KLF8: variants seen among roughly 807,000 people sequenced by gnomAD.
KLF8 encodes KLF transcription factor 8.
A neutral mutation model predicts 18.2 loss-of-function variants in KLF8; 10 were observed. The ratio of observed to expected loss-of-function variants is 0.55; its 90% CI spans 0.34 to 0.93. The LOEUF is 0.93. Ranked by LOEUF, KLF8 falls within the 40% of genes least tolerant of loss-of-function variation. KLF8 has a pLI of 0.02. For synonymous variants in KLF8, 109 were observed against 97.3 expected (o/e 1.12, Z -0.71); for missense variants, 264 against 277.9 (o/e 0.95, Z 0.36).
chrX:56,290,953 G>C lies in KLF8; in HGVS notation c.*6459G>C, dbSNP rs888268925. On this transcript the variant is annotated 3_prime_UTR_variant, in exon 6 of 6. Coordinates refer to ENST00000468660, the MANE Select transcript of KLF8 (RefSeq NM_007250.5). The stretch of plus-strand genomic sequence containing the variant: ...TCCTTTCCTAGAGTCGCTACAAGTA[G>C]CTGTGTTGGACATTACTTTATAACT... Among the ~76,000 whole-genome samples, 1 of 111,131 alleles carries C rather than the reference G, an allele frequency of 9.0e-6. No individual in the cohort carries two copies. The highest frequency in any genetic ancestry group is 1.9e-5 in the Non-Finnish European group (1 of 52,993).
At chrX:55,941,477 A>G in the KLF8 span, among the ~76,000 whole-genome samples, 1 of 112,049 alleles carries the variant, frequency 8.9e-6, no homozygotes, top group Non-Finnish European at 1.9e-5. Flanking sequence ...CTTCATGTCT[A>G]AAACACCAAA....
chrX:56,146,118 T>A, the KLF8 span, among the ~76,000 whole-genome samples: 1 of 111,418 alleles, frequency 9.0e-6, no homozygotes, highest in Non-Finnish European at 1.9e-5. Flanking sequence ...TTGGTGGGAG[T>A]GTAAATTAGC....
At chrX:56,114,215 C>A in the KLF8 span, among the ~76,000 whole-genome samples, 10 of 112,051 alleles carry the variant, frequency 8.9e-5, no homozygotes, top group Admixed American at 9.4e-4. Flanking sequence ...CCTTGGCACC[C>A]ACAGGGGATA....
At chrX:56,167,675 C>T in the KLF8 span, among the ~76,000 whole-genome samples, 6 of 111,776 alleles carry the variant, frequency 5.4e-5, no homozygotes, top group Middle Eastern at 9.2e-3. Flanking sequence ...TAGTTGATGA[C>T]AATGATTGAG....
chrX:56,145,597 C>T, the KLF8 span, among the ~76,000 whole-genome samples: 1 of 112,160 alleles, frequency 8.9e-6, no homozygotes, highest in African/African-American at 3.2e-5. Flanking sequence ...GTGATATATC[C>T]AAACAATGGA....
At chrX:56,098,614 C>T in the KLF8 span, among the ~76,000 whole-genome samples, 1 of 111,321 alleles carries the variant, frequency 9.0e-6, no homozygotes, top group Admixed American at 9.6e-5. Context: ...ATATGAAAAG[C>T]TTCCAGGTAA....
the KLF8 span, among the ~76,000 whole-genome samples, chrX:56,174,980 T>C: frequency 8.9e-6 from 1 of 112,034 alleles, no homozygotes; most frequent in Non-Finnish European, 1.9e-5. Flanking sequence ...ATTTGGTTCT[T>C]CTCTCTTTTC....
At chrX:56,097,537 C>G in the KLF8 span, among the ~76,000 whole-genome samples, 1 of 106,246 alleles carries the variant, frequency 9.4e-6, no homozygotes, top group Non-Finnish European at 1.9e-5. Flanking sequence ...TATTATTATA[C>G]TTTAAGTTTT....
At chrX:56,012,102 A>G in the KLF8 span, among the ~76,000 whole-genome samples, 3 of 112,232 alleles carry the variant, frequency 2.7e-5, no homozygotes, top group East Asian at 8.4e-4. Flanking sequence ...AACTCATTTA[A>G]TGAGGCCAGC....
chrX:56,181,050 T>A, the KLF8 span, among the ~76,000 whole-genome samples: 2 of 111,477 alleles, frequency 1.8e-5, no homozygotes, highest in East Asian at 5.6e-4. Context: ...CTGTCTAATA[T>A]TGACAGTGGG....
At chrX:56,148,125 T>C in the KLF8 span, among the ~76,000 whole-genome samples, 1 of 112,406 alleles carries the variant, frequency 8.9e-6, no homozygotes, top group Admixed American at 9.4e-5. Flanking sequence ...CTACATGCTG[T>C]GCACACCTCA....
the KLF8 span, among the ~76,000 whole-genome samples, chrX:56,018,038 A>G: frequency 8.9e-6 from 1 of 111,911 alleles, no homozygotes; most frequent in Non-Finnish European, 1.9e-5. Context: ...TTGTGTTGAG[A>G]GCATTCCAGA....
At chrX:55,943,213 G>A in the KLF8 span, among the ~76,000 whole-genome samples, 1 of 111,084 alleles carries the variant, frequency 9.0e-6, no homozygotes, top group Non-Finnish European at 1.9e-5. Flanking sequence ...TAACAGTTTA[G>A]TGCTGGTCAT....
At chrX:55,971,596 A>G in the KLF8 span, among the ~76,000 whole-genome samples, 1 of 110,978 alleles carries the variant, frequency 9.0e-6, no homozygotes, top group Admixed American at 9.7e-5. Context: ...ACAGCAAAGG[A>G]AACAATCAAC....
At chrX:56,260,753 T>C (rs2066872270) in intron 2 of KLF8, among the ~76,000 whole-genome samples, 1 of 112,200 alleles carries the variant, frequency 8.9e-6, no homozygotes, top group South Asian at 3.7e-4. Flanking sequence ...ACAATACATG[T>C]GTGCATATGT....
chrX:56,162,730 G>T, the KLF8 span, among the ~76,000 whole-genome samples: 5 of 111,350 alleles, frequency 4.5e-5, no homozygotes, highest in Admixed American at 4.8e-4. Flanking sequence ...GTGAGGTGAT[G>T]CCTCGCCCTG....
the KLF8 span, among the ~76,000 whole-genome samples, chrX:56,173,537 C>T: frequency 1.8e-5 from 2 of 111,879 alleles, no homozygotes; most frequent in Non-Finnish European, 3.8e-5. Context: ...TAGCGTGATG[C>T]CTCCAGCTTT....
chrX:56,022,242 C>G, the KLF8 span, among the ~76,000 whole-genome samples: 173 of 110,669 alleles, frequency 1.6e-3, no homozygotes, highest in Non-Finnish European at 2.3e-3. Context: ...TCCATGGAGC[C>G]TTTATTCAAG....
the KLF8 span, among the ~76,000 whole-genome samples, chrX:55,994,164 C>T: frequency 1.8e-5 from 2 of 110,249 alleles, no homozygotes; most frequent in Non-Finnish European, 3.8e-5. Context: ...CCTGCCTCAG[C>T]CTCCCAAAGT....
Sources: gnomAD v4.1 joint callset for allele counts (sites outside exome capture counted in the v4.1 genomes callset) on GRCh38, gnomAD v4.1.1 for gene constraint, MANE v1.5 for transcripts, NCBI Gene and HGNC (gene_info 2026-07-23, HGNC 2026-07-21) for gene names.